The following PCDH15 variants were observed in gnomAD, a reference collection of about 807,000 sequenced individuals.
PCDH15 encodes protocadherin-15.
Under a neutral mutation model 178.5 loss-of-function variants are expected in PCDH15, and 129 were observed. The observed-to-expected ratio is 0.72, with a 90% confidence interval of 0.63 to 0.84. The LOEUF (loss-of-function observed/expected upper bound fraction) is 0.84, where lower values mean the gene tolerates loss of function less well. PCDH15 is among the 40% of genes least tolerant of loss of function. The pLI is 0.00. For synonymous variants in PCDH15, 800 were observed against 732.0 expected (o/e 1.09, Z -1.50); for missense variants, 2,230 against 2,099.9 (o/e 1.06, Z -1.21).
intron 2 of PCDH15, among the ~76,000 whole-genome samples, chr10:54,972,889 A>G (rs1052507902): frequency 6.7e-6 from 1 of 149,170 alleles, no homozygotes; most frequent in African/African-American, 2.5e-5. Flanking sequence ...AGAGATTTTT[A>G]CCTAGCAAAT....
At chr10:54,915,601 G>A (rs781464804) in intron 2 of PCDH15, among the ~76,000 whole-genome samples, 4 of 152,076 alleles carry the variant, frequency 2.6e-5, no homozygotes, top group Non-Finnish European at 5.9e-5. Context: ...AGTAGCTAGG[G>A]TTTACATAAA....
At chr10:55,601,194 A>G (rs925596756) in intron 2 of PCDH15, among the ~76,000 whole-genome samples, 6 of 152,216 alleles carry the variant, frequency 3.9e-5, no homozygotes, top group African/African-American at 1.4e-4. Context: ...TTACAATAAA[A>G]TGCAGAAGTG....
chr10:54,394,299 C>T (rs186713236), intron 3 of PCDH15, among the ~76,000 whole-genome samples: 2 of 150,360 alleles, frequency 1.3e-5, no homozygotes, highest in East Asian at 3.9e-4. Flanking sequence ...GGGGAACCTG[C>T]CCCGATATTC....
At chr10:54,207,065 G>T (rs150389793) in intron 10 of PCDH15, among the ~76,000 whole-genome samples, 2 of 152,082 alleles carry the variant, frequency 1.3e-5, no homozygotes, top group African/African-American at 4.8e-5. Context: ...AGCAGTTACA[G>T]GTCACCTTGT....
At chr10:54,100,940 CAGAA>C (rs908112717) in intron 15 of PCDH15, among the ~76,000 whole-genome samples, 1 of 151,648 alleles carries the variant, frequency 6.6e-6, no homozygotes, top group Non-Finnish European at 1.5e-5. Context: ...TACTGATAAA[CAGAA>C]AGAAAGATCT....
At chr10:55,328,968 A>G (rs1844118672) in intron 2 of PCDH15, among the ~76,000 whole-genome samples, 1 of 139,674 alleles carries the variant, frequency 7.2e-6, no homozygotes, top group South Asian at 2.3e-4. Flanking sequence ...TAATATGGGG[A>G]TGTACACAAA....
At chr10:54,213,113 C>T (rs1161721974) in intron 10 of PCDH15, among the ~76,000 whole-genome samples, 4 of 143,610 alleles carry the variant, frequency 2.8e-5, no homozygotes, top group Non-Finnish European at 4.5e-5. Context: ...GTTTTTTTTG[C>T]ATGCTTAAAT....
rs764196474 is a variant in PCDH15, at chr10:54,147,267, CAT to C, written c.1784+5831_1784+5832del. Among the ~76,000 whole-genome samples the C allele has an allele frequency of 1.1e-3, 172 of 151,620 alleles. 1 individual carries two copies. Among genetic ancestry groups the C allele is most frequent in the African/African-American group, 2.2e-3 (91 of 41,454 alleles). On this transcript the variant is annotated intron_variant, in intron 14 of 37. Transcript: ENST00000644397. ...AGGTCCCACTTGATATTTCACCAAACATTCTAAGGTGAGTTTTTAGTATCCAA... is the reference window on the plus strand; with the variant it reads ...AGGTCCCACTTGATATTTCACCAAACTCTAAGGTGAGTTTTTAGTATCCAA...
chr10:54,541,120 A>T (rs1447904949), intron 2 of PCDH15, among the ~76,000 whole-genome samples: 2 of 152,116 alleles, frequency 1.3e-5, no homozygotes, highest in African/African-American at 4.8e-5. Flanking sequence ...ACCATTCTCC[A>T]TTCTCACCAC....
At chr10:55,622,073 A>T (rs1347434011) in intron 2 of PCDH15, among the ~76,000 whole-genome samples, 1 of 139,756 alleles carries the variant, frequency 7.2e-6, no homozygotes, top group Non-Finnish European at 1.5e-5. Flanking sequence ...ATGTATATAT[A>T]ATATATATAA....
rs534739025 is a variant in PCDH15 at position 55,007,554 on chromosome 10, A to T, written c.-79-110054T>A. Among the ~76,000 whole-genome samples, 8 of 152,324 alleles carry T rather than the reference A, an allele frequency of 5.3e-5. No individual in the cohort carries two copies. The East Asian group carries it at 1.3e-3, about 26-fold the overall frequency. On this transcript the variant is annotated intron_variant, in intron 2 of 5. Transcript: ENST00000458638. ...AGTTTTTATCTAGAGGGTAGGTAGT[A>T]AATATTTTAGGCATTTGGGTCACAT...
At chr10:54,765,628 T>C (rs756738601) in intron 1 of PCDH15, among the ~76,000 whole-genome samples, 4 of 152,188 alleles carry the variant, frequency 2.6e-5, no homozygotes, top group Non-Finnish European at 4.4e-5. Context: ...AAATACCTAA[T>C]GACCTTCTAC....
intron 2 of PCDH15, among the ~76,000 whole-genome samples, chr10:55,568,494 A>T (rs942936908): frequency 5.9e-5 from 9 of 152,002 alleles, no homozygotes; most frequent in African/African-American, 2.2e-4. Context: ...GTGATTAATG[A>T]TAATTACATT....
At chr10:55,232,806 G>A (rs1841263414) in intron 1 of PCDH15, among the ~76,000 whole-genome samples, 1 of 152,006 alleles carries the variant, frequency 6.6e-6, no homozygotes, top group Non-Finnish European at 1.5e-5. Flanking sequence ...CAAGGAAACG[G>A]ATCCTGCCAA....
intron 32 of PCDH15, among the ~76,000 whole-genome samples, chr10:53,824,373 T>C (rs147624414): frequency 3.5e-4 from 53 of 152,282 alleles, no homozygotes; most frequent in African/African-American, 1.2e-3. Context: ...ACATTTATTT[T>C]AGTTACTGCT....
chr10:54,460,486 G>A (rs1204526964), intron 3 of PCDH15, among the ~76,000 whole-genome samples: 2 of 152,036 alleles, frequency 1.3e-5, no homozygotes, highest in South Asian at 2.1e-4. Flanking sequence ...TAGAGTATAT[G>A]CAAGGAGAAG....
intron 1 of PCDH15, among the ~76,000 whole-genome samples, chr10:54,694,691 T>C (rs1283903841): frequency 6.6e-6 from 1 of 151,988 alleles, no homozygotes; most frequent in Non-Finnish European, 1.5e-5. Context: ...ACAAACCAGG[T>C]CCATAGAAGA....
At chr10:54,773,960 A>G (rs528356718) in intron 1 of PCDH15, among the ~76,000 whole-genome samples, 1 of 146,348 alleles carries the variant, frequency 6.8e-6, no homozygotes, top group Non-Finnish European at 1.5e-5. Context: ...TTTGCTGCTT[A>G]ACACTTCATA....
At chr10:55,117,470 T>C (rs1447270083) in intron 2 of PCDH15, among the ~76,000 whole-genome samples, 1 of 152,218 alleles carries the variant, frequency 6.6e-6, no homozygotes, top group African/African-American at 2.4e-5. Flanking sequence ...GACAAGATAC[T>C]GTGGGCTTGA....
Sources: gnomAD v4.1 joint callset for allele counts (sites outside exome capture counted in the v4.1 genomes callset) on GRCh38, gnomAD v4.1.1 for gene constraint, MANE v1.5 for transcripts, NCBI Gene and HGNC (gene_info 2026-07-23, HGNC 2026-07-21) for gene names.